The following LRRTM4 variants were observed in gnomAD, a reference collection of about 807,000 sequenced individuals.
LRRTM4 encodes leucine rich repeat transmembrane neuronal 4.
Under a neutral mutation model 47.6 loss-of-function variants are expected in LRRTM4, and 25 were observed. That is an observed-to-expected ratio of 0.53 (90% CI 0.38 to 0.73). LRRTM4 has a LOEUF of 0.73. Among genes scored for constraint, LRRTM4 ranks in the 30% least tolerant of loss-of-function variants. The probability of loss-of-function intolerance (pLI) is 0.00; values close to 1 mark genes in which losing one functional copy is unlikely to be tolerated. For missense variants in LRRTM4, 638 were observed against 713.4 expected, an observed-to-expected ratio of 0.89 and a Z score of 1.20; for synonymous variants, 311 against 269.5, an observed-to-expected ratio of 1.15 and a Z score of -1.51.
At chr2:77,105,660 A>T (rs1020599857) in intron 3 of LRRTM4, among the ~76,000 whole-genome samples, 8 of 151,742 alleles carry the variant, frequency 5.3e-5, no homozygotes, top group Non-Finnish European at 7.4e-5. Flanking sequence ...AAAGTATAAT[A>T]AAAAAAAGAG....
chr2:77,355,558 G>C (rs1028025541), intron 3 of LRRTM4, among the ~76,000 whole-genome samples: 1 of 152,106 alleles, frequency 6.6e-6, no homozygotes, highest in Non-Finnish European at 1.5e-5. Flanking sequence ...CTCAGGAAAA[G>C]GACAATGAAA....
chr2:77,429,592 A>C (rs1675275128), intron 3 of LRRTM4, among the ~76,000 whole-genome samples: 1 of 152,228 alleles, frequency 6.6e-6, no homozygotes, highest in Non-Finnish European at 1.5e-5. Flanking sequence ...AATTGAAATA[A>C]GCCAGGCACA....
At chr2:76,870,883 A>C (rs927059222) in intron 3 of LRRTM4, among the ~76,000 whole-genome samples, 3 of 152,148 alleles carry the variant, frequency 2.0e-5, no homozygotes, top group African/African-American at 7.2e-5. Flanking sequence ...AAAAACACAC[A>C]CAGAAATTCT....
At chr2:77,238,329 G>C (rs1335349022) in intron 3 of LRRTM4, among the ~76,000 whole-genome samples, 2 of 152,022 alleles carry the variant, frequency 1.3e-5, no homozygotes, top group Non-Finnish European at 2.9e-5. Context: ...ATCATTGGCA[G>C]TGTCTTAACT....
At chr2:77,193,605 T>A (rs1484135512) in intron 3 of LRRTM4, among the ~76,000 whole-genome samples, 2 of 151,462 alleles carry the variant, frequency 1.3e-5, no homozygotes, top group Non-Finnish European at 2.9e-5. Context: ...AGATCAGGAG[T>A]TCGAGACCAG....
At chr2:77,513,227 C>A (rs187220152) in intron 3 of LRRTM4, among the ~76,000 whole-genome samples, 117 of 152,162 alleles carry the variant, frequency 7.7e-4, no homozygotes, top group Non-Finnish European at 1.2e-3. Context: ...CTCACCTGGG[C>A]ACCCCAGTTT....
At chr2:77,256,479 G>A (rs1039606268) in intron 3 of LRRTM4, among the ~76,000 whole-genome samples, 2 of 152,102 alleles carry the variant, frequency 1.3e-5, no homozygotes, top group Non-Finnish European at 2.9e-5. Context: ...TTGTGGGAGG[G>A]ACCCAGTGGG....
intron 3 of LRRTM4, among the ~76,000 whole-genome samples, chr2:77,248,977 A>G (rs1476819280): frequency 6.6e-6 from 1 of 152,224 alleles, no homozygotes; most frequent in East Asian, 1.9e-4. Context: ...TAGATGAACT[A>G]GGGTTGGTGA....
intron 3 of LRRTM4, among the ~76,000 whole-genome samples, chr2:77,472,323 A>G (rs970964048): frequency 6.6e-6 from 1 of 152,176 alleles, no homozygotes; most frequent in African/African-American, 2.4e-5. Context: ...AACATATAAT[A>G]AAGAAAATAT....
At chr2:76,991,218 A>C (rs1676996377) in intron 3 of LRRTM4, among the ~76,000 whole-genome samples, 1 of 151,720 alleles carries the variant, frequency 6.6e-6, no homozygotes, top group African/African-American at 2.4e-5. Context: ...TAATGATCTA[A>C]CATTACACCT....
Position 77,518,865 on chromosome 2 carries a change from C to A in LRRTM4, c.1004G>T (p.Ser335Ile), listed in dbSNP as rs755375751. Residue 335 changes from serine (S) to isoleucine (I), a missense_variant, in exon 3 of 4, where the codon AGC becomes ATC. Coordinates refer to ENST00000409884, the MANE Select transcript of LRRTM4 (RefSeq NM_001134745.3). ...WLKNFKGNKE[S>I]TMICAGPKHI... is the part of the protein sequence containing the mutation. ...CTTAGGTCCCGCACATATCATGGTG[C>A]TTTCCTTATTTCCTTTGAAATTCTT... is the stretch of plus-strand genomic sequence containing the variant. 74 of 1,606,362 alleles carry A rather than the reference C, an allele frequency of 4.6e-5. No homozygotes were observed. Among genetic ancestry groups the A allele is most frequent in the Non-Finnish European group, 6.0e-5 (70 of 1,175,834 alleles).
At chr2:76,772,689 C>T (rs745627059) in intron 3 of LRRTM4, among the ~76,000 whole-genome samples, 2 of 152,154 alleles carry the variant, frequency 1.3e-5, no homozygotes, top group African/African-American at 4.8e-5. Context: ...CACTTATTCA[C>T]ATTTTTCCTT....
chr2:76,852,038 C>G (rs1406891432), intron 3 of LRRTM4, among the ~76,000 whole-genome samples: 1 of 151,948 alleles, frequency 6.6e-6, no homozygotes, highest in African/African-American at 2.4e-5. Flanking sequence ...CACTTTTTTT[C>G]TAATCCTGTT....
At chr2:77,510,269 A>T (rs1409763694) in intron 3 of LRRTM4, among the ~76,000 whole-genome samples, 1 of 152,142 alleles carries the variant, frequency 6.6e-6, no homozygotes, top group Non-Finnish European at 1.5e-5. Flanking sequence ...AACTTTTAAT[A>T]AGTTAACACC....
chr2:76,941,922 C>T (rs1675157651), intron 3 of LRRTM4, among the ~76,000 whole-genome samples: 1 of 152,170 alleles, frequency 6.6e-6, no homozygotes, highest in Admixed American at 6.5e-5. Flanking sequence ...AATTTACACT[C>T]CCACCAACAG....
chr2:77,149,859 C>T (rs1295970801), intron 3 of LRRTM4, among the ~76,000 whole-genome samples: 1 of 152,156 alleles, frequency 6.6e-6, no homozygotes, highest in Non-Finnish European at 1.5e-5. Context: ...CTCACTCTCC[C>T]TCCTGCTCTG....
intron 3 of LRRTM4, among the ~76,000 whole-genome samples, chr2:77,012,840 C>A (rs1304786439): frequency 6.6e-6 from 1 of 152,124 alleles, no homozygotes; most frequent in Admixed American, 6.5e-5. Context: ...TAAGCCTAAG[C>A]CACCACGGAT....
At chr2:77,103,496 T>G (rs908612773) in intron 3 of LRRTM4, among the ~76,000 whole-genome samples, 3 of 152,034 alleles carry the variant, frequency 2.0e-5, no homozygotes, top group African/African-American at 7.2e-5. Flanking sequence ...AGCATGTTAA[T>G]AGATTTGGCA....
chr2:77,329,402 A>G (rs909633525), intron 3 of LRRTM4, among the ~76,000 whole-genome samples: 2 of 152,204 alleles, frequency 1.3e-5, no homozygotes, highest in Admixed American at 1.3e-4. Context: ...ATGGCAATTT[A>G]TCCGTGAAGA....
Sources: gnomAD v4.1 joint callset for allele counts (sites outside exome capture counted in the v4.1 genomes callset) on GRCh38, gnomAD v4.1.1 for gene constraint, MANE v1.5 for transcripts, NCBI Gene and HGNC (gene_info 2026-07-23, HGNC 2026-07-21) for gene names.